The following TANGO6 variants were observed in gnomAD, a reference collection of about 807,000 sequenced individuals.
TANGO6 encodes the protein transport and Golgi organization protein 6 homolog.
A neutral mutation model predicts 114.2 loss-of-function variants in TANGO6; 90 were observed. The ratio of observed to expected loss-of-function variants is 0.79; its 90% CI spans 0.66 to 0.94. The LOEUF (loss-of-function observed/expected upper bound fraction) is 0.94, where lower values mean the gene tolerates loss of function less well. Ranked by LOEUF, TANGO6 falls within the 40% of genes least tolerant of loss-of-function variation. The pLI, the probability that TANGO6 is intolerant of heterozygous loss-of-function variation, is 0.00. For missense variants in TANGO6, 1,274 were observed against 1,315.3 expected (o/e 0.97, Z 0.49); for synonymous variants, 477 against 509.8 (o/e 0.94, Z 0.87).
intron 4 of TANGO6, among the ~76,000 whole-genome samples, chr16:68,868,385 T>G (rs1020108672): frequency 6.6e-6 from 1 of 151,958 alleles, no homozygotes; most frequent in Non-Finnish European, 1.5e-5. Context: ...AGACTTATAG[T>G]GAAAAATAGC....
intron 15 of TANGO6, among the ~76,000 whole-genome samples, chr16:68,992,176 T>A (rs1390583569): frequency 6.6e-6 from 1 of 152,120 alleles, no homozygotes; most frequent in East Asian, 1.9e-4. Flanking sequence ...TTGCCAGATA[T>A]CAAAGTGGGG....
At chr16:68,843,743 C>A (rs1596983401) in intron 1 of TANGO6, 32 bp downstream of exon 1, 1 of 1,608,016 alleles carries the variant, frequency 6.2e-7, no homozygotes, top group African/African-American at 1.3e-5. Flanking sequence ...CCGGGCTGGA[C>A]CCGGGACTCT....
chr16:68,921,071 A>T (rs896452892), intron 12 of TANGO6, among the ~76,000 whole-genome samples: 8 of 144,158 alleles, frequency 5.5e-5, no homozygotes, highest in African/African-American at 2.1e-4. Flanking sequence ...GTGAGCCGAG[A>T]TCGCGCCACT....
At chr16:68,891,865 G>A (rs535129683) in intron 7 of TANGO6, among the ~76,000 whole-genome samples, 1 of 145,540 alleles carries the variant, frequency 6.9e-6, no homozygotes, top group African/African-American at 2.5e-5. Context: ...GGGGGAGGGA[G>A]GGAGGGAAAG....
At chr16:68,897,868 G>A (rs1346921006) in intron 7 of TANGO6, among the ~76,000 whole-genome samples, 3 of 152,002 alleles carry the variant, frequency 2.0e-5, no homozygotes, top group South Asian at 2.1e-4. Flanking sequence ...GTGAGCCACC[G>A]CCCCTGGCCA....
At chr16:68,964,848 C>T (rs746716836) in intron 14 of TANGO6, among the ~76,000 whole-genome samples, 1 of 152,014 alleles carries the variant, frequency 6.6e-6, no homozygotes, top group Non-Finnish European at 1.5e-5. Context: ...GGATTACAGG[C>T]GTGAGCCACT....
At chr16:68,844,009 G>T (rs1380631952) in intron 1 of TANGO6, among the ~76,000 whole-genome samples, 1 of 152,166 alleles carries the variant, frequency 6.6e-6, no homozygotes, top group Non-Finnish European at 1.5e-5. Flanking sequence ...TTACTGCAGC[G>T]CTCTTGGGAG....
intron 16 of TANGO6, among the ~76,000 whole-genome samples, chr16:69,037,989 C>T (rs1959717311): frequency 6.6e-6 from 1 of 152,196 alleles, no homozygotes; most frequent in Non-Finnish European, 1.5e-5. Context: ...AGCCTATTTC[C>T]TCACTTGTTC....
chr16:69,041,381 G>A (rs1220061138), intron 17 of TANGO6, among the ~76,000 whole-genome samples: 1 of 151,754 alleles, frequency 6.6e-6, no homozygotes, highest in Non-Finnish European at 1.5e-5. Context: ...GGGAGGCGGA[G>A]GTTGCAGTGA....
At position 68,878,295 on chromosome 16, in the gene TANGO6, G is replaced by T; in HGVS notation, c.1294+15G>T. On this transcript the variant is annotated intron_variant, in intron 6 of 17. Transcript: ENST00000261778. ...GAATACAGCAGGTAAAGGAGGAAGT[G>T]TGGTGGCTGTGTGTGCCTCTAAAGG... The T allele has an allele frequency of 6.3e-7, 1 of 1,579,502 alleles. No homozygotes were observed. The highest frequency in any genetic ancestry group is 8.6e-7 in the Non-Finnish European group (1 of 1,163,976).
At chr16:68,908,205 TAAGA>T (rs1962877892) in intron 10 of TANGO6, among the ~76,000 whole-genome samples, 1 of 152,260 alleles carries the variant, frequency 6.6e-6, no homozygotes, top group African/African-American at 2.4e-5. Flanking sequence ...AAAAGAACTC[TAAGA>T]GAGTTTAAGG....
At chr16:68,941,599 A>G (rs1331132603) in intron 14 of TANGO6, among the ~76,000 whole-genome samples, 1 of 152,102 alleles carries the variant, frequency 6.6e-6, no homozygotes, top group East Asian at 1.9e-4. Flanking sequence ...TACAAAAATT[A>G]GCCAGGCACA....
chr16:69,018,621 A>T (rs1337280697), intron 15 of TANGO6, among the ~76,000 whole-genome samples: 1 of 151,514 alleles, frequency 6.6e-6, no homozygotes, highest in East Asian at 2.0e-4. Flanking sequence ...TATTTAATGT[A>T]CATATTTAAA....
intron 6 of TANGO6, 79 bp downstream of exon 6, chr16:68,878,359 G>A: frequency 6.9e-7 from 1 of 1,444,598 alleles, no homozygotes. Context: ...ATTTAAATCT[G>A]TGTTATATCA....
intron 15 of TANGO6, among the ~76,000 whole-genome samples, chr16:68,988,692 C>CTTT (rs397855895): frequency 0.033 from 3,714 of 112,252 alleles, 161 homozygotes; most frequent in African/African-American, 0.069. Context: ...TTCTCTCTCT[C>CTTT]TTTTTTTTTT....
chr16:69,067,272 G>A (rs1225085488), intron 17 of TANGO6, among the ~76,000 whole-genome samples: 2 of 152,050 alleles, frequency 1.3e-5, no homozygotes, highest in Non-Finnish European at 1.5e-5. Flanking sequence ...ACTTTGGGAG[G>A]CCAAGACGGG....
rs199947766 is a variant in TANGO6 at position 68,867,212 on chromosome 16, G to C, written c.986G>C (p.Gly329Ala). Reference protein sequence around the residue: ...VQAVVRGILEGAGAGAAGGSD... With the variant: ...VQAVVRGILEAAGAGAAGGSD... ...GCAGTAGTCCGGGGCATTTTGGAAG[G>C]AGCAGGTGGTAAGAAATAAAATGTT... Residue 329 changes from glycine to alanine, a missense_variant, in exon 4 of 18, where the codon GGA (glycine) becomes GCA (alanine). Gly to Ala is a moderately conservative substitution (Grantham distance 60). Transcript: ENST00000261778. 2 of 1,613,648 alleles carry C rather than the reference G, an allele frequency of 1.2e-6. No individual in the cohort carries two copies. Among genetic ancestry groups the C allele is most frequent in the African/African-American group, 2.7e-5 (2 of 74,882 alleles).
chr16:68,877,555 A>T (rs1211621686), intron 5 of TANGO6, among the ~76,000 whole-genome samples: 1 of 151,828 alleles, frequency 6.6e-6, no homozygotes, highest in Non-Finnish European at 1.5e-5. Flanking sequence ...CCTGTATTTT[A>T]TAAATTTGAT....
At chr16:69,023,227 G>C (rs879291285) in intron 16 of TANGO6, among the ~76,000 whole-genome samples, 1 of 152,052 alleles carries the variant, frequency 6.6e-6, no homozygotes, top group African/African-American at 2.4e-5. Context: ...AGGGCGAGGC[G>C]GGTAGATTGC....
Sources: allele counts gnomAD v4.1 joint callset (sites outside exome capture counted in the v4.1 genomes callset), GRCh38; gene constraint gnomAD v4.1.1; transcripts MANE v1.5; gene names NCBI Gene and HGNC (gene_info 2026-07-23, HGNC 2026-07-21).